FAM240B: variants seen among roughly 807,000 people sequenced by gnomAD.
The protein encoded by FAM240B is protein FAM240B.
intron 1 of FAM240B, among the ~76,000 whole-genome samples, chr9:38,713,481 CAAAAA>C (rs77404875): frequency 3.1e-4 from 26 of 83,584 alleles, no homozygotes; most frequent in Non-Finnish European, 4.4e-4. Flanking sequence ...CCGTTTCAAA[CAAAAA>C]AAAAAAAAAA....
chr9:38,695,109 A>C (rs1376756999), intron 2 of FAM240B, among the ~76,000 whole-genome samples: 2 of 152,228 alleles, frequency 1.3e-5, no homozygotes, highest in African/African-American at 4.8e-5. Context: ...TACCTAATGC[A>C]TGCGGGGCTT....
chr9:38,715,569 T>C (rs186058619), intron 1 of FAM240B, among the ~76,000 whole-genome samples: 1 of 152,306 alleles, frequency 6.6e-6, no homozygotes, highest in Non-Finnish European at 1.5e-5. Flanking sequence ...CAAGCAACTA[T>C]TGCCCATGGG....
chr9:38,718,800 G>A (rs1821337396), intron 1 of FAM240B, among the ~76,000 whole-genome samples: 1 of 151,450 alleles, frequency 6.6e-6, no homozygotes. Context: ...ATTTTAAATG[G>A]TCAATTAAAA....
At chr9:38,710,828 T>C (rs1587593194) in intron 1 of FAM240B, among the ~76,000 whole-genome samples, 1 of 152,324 alleles carries the variant, frequency 6.6e-6, no homozygotes, top group East Asian at 1.9e-4. Context: ...ACATCTCACC[T>C]TCAATTCCCA....
At chr9:38,700,956 C>A (rs1026547903) in intron 2 of FAM240B, among the ~76,000 whole-genome samples, 3 of 152,184 alleles carry the variant, frequency 2.0e-5, no homozygotes, top group African/African-American at 7.2e-5. Context: ...CAACATCTTG[C>A]CAGATTAGCC....
At chr9:38,707,653 G>C (rs960531520) in intron 1 of FAM240B, among the ~76,000 whole-genome samples, 1 of 151,600 alleles carries the variant, frequency 6.6e-6, no homozygotes, top group African/African-American at 2.4e-5. Flanking sequence ...AATTAGCTGG[G>C]CGTGGTGGCA....
intron 1 of FAM240B, among the ~76,000 whole-genome samples, chr9:38,719,634 G>T (rs1013727108): frequency 6.6e-6 from 1 of 152,130 alleles, no homozygotes; most frequent in Non-Finnish European, 1.5e-5. Flanking sequence ...TTCCTGAGAA[G>T]CTTCCATGAT....
chr9:38,703,166 C>T (rs7029974), intron 2 of FAM240B, among the ~76,000 whole-genome samples: 16,079 of 152,180 alleles, frequency 0.11, 908 homozygotes, highest in African/African-American at 0.13. Context: ...ACTCTCAAGA[C>T]TGAATGAGTG....
chr9:38,713,508 A>G (rs1821279184), intron 1 of FAM240B, among the ~76,000 whole-genome samples: 1 of 148,708 alleles, frequency 6.7e-6, no homozygotes, highest in Admixed American at 6.7e-5. Context: ...AAAAAAAAGA[A>G]CTAGATTTCA....
At chr9:38,713,943 T>G (rs1245045695) in intron 1 of FAM240B, among the ~76,000 whole-genome samples, 1 of 152,218 alleles carries the variant, frequency 6.6e-6, no homozygotes, top group African/African-American at 2.4e-5. Context: ...TCTCTTCCAT[T>G]TATTGCCCTC....
chr9:38,711,226 A>G (rs1455805104), intron 1 of FAM240B, among the ~76,000 whole-genome samples: 1 of 152,214 alleles, frequency 6.6e-6, no homozygotes, highest in African/African-American at 2.4e-5. Flanking sequence ...AAGGATAAAC[A>G]AACAAACAAA....
At chr9:38,719,413 A>G in intron 1 of FAM240B, among the ~76,000 whole-genome samples, 1 of 152,212 alleles carries the variant, frequency 6.6e-6, no homozygotes. Context: ...ACTCACTTTT[A>G]TAATAAAAAT....
intron 1 of FAM240B, among the ~76,000 whole-genome samples, chr9:38,715,546 T>C (rs1185176739): frequency 2.0e-5 from 3 of 152,358 alleles, no homozygotes; most frequent in South Asian, 4.1e-4. Context: ...AAACAGACAC[T>C]GCCACTCAAC....
At chr9:38,717,314 C>A (rs1381810880) in intron 1 of FAM240B, among the ~76,000 whole-genome samples, 4 of 152,130 alleles carry the variant, frequency 2.6e-5, no homozygotes, top group Non-Finnish European at 5.9e-5. Context: ...GGCGCAGTGG[C>A]TCACGCCTGT....
intron 1 of FAM240B, among the ~76,000 whole-genome samples, chr9:38,716,332 C>T (rs1199794457): frequency 6.6e-6 from 1 of 152,124 alleles, no homozygotes; most frequent in Admixed American, 6.5e-5. Flanking sequence ...ATTAGCCAGG[C>T]ATGGTGCCCC....
At chr9:38,702,156 A>C (rs62539024) in intron 2 of FAM240B, among the ~76,000 whole-genome samples, 7,817 of 152,282 alleles carry the variant, frequency 0.051, 301 homozygotes, top group Non-Finnish European at 0.085. Context: ...GGTGGGGACC[A>C]CACAACGGAC....
In FAM240B at chr9:38,716,747, T is replaced by C. The variant is rs187811120; in HGVS notation, c.-4+3275A>G. On this transcript the variant is annotated intron_variant, in intron 1 of 2. Transcript: ENST00000637493. Reference sequence around the variant, plus strand: ...TGGCTATTTGGCCTTCACTAATGAATGTTACTTTTTTCCTGAACCGGAAAC... The same window carrying C: ...TGGCTATTTGGCCTTCACTAATGAACGTTACTTTTTTCCTGAACCGGAAAC... Among the ~76,000 whole-genome samples the C allele has an allele frequency of 2.6e-4, 40 of 152,294 alleles. No individual in the cohort carries two copies. The Middle Eastern group carries it at 0.01, about 39-fold the overall frequency.
chr9:38,718,844 TG>T (rs1383297409), intron 1 of FAM240B, among the ~76,000 whole-genome samples: 2 of 152,232 alleles, frequency 1.3e-5, no homozygotes, highest in East Asian at 3.8e-4. Flanking sequence ...ATGCTATATT[TG>T]GCTTAGAGTT....
chr9:38,710,908 T>C (rs956870770), intron 1 of FAM240B, among the ~76,000 whole-genome samples: 2 of 152,194 alleles, frequency 1.3e-5, no homozygotes, highest in East Asian at 1.9e-4. Context: ...CGAAGTCACC[T>C]TGTTGATGGT....
Sources: allele counts gnomAD v4.1 joint callset (sites outside exome capture counted in the v4.1 genomes callset), GRCh38; gene constraint gnomAD v4.1.1; transcripts MANE v1.5; gene names NCBI Gene and HGNC (gene_info 2026-07-23, HGNC 2026-07-21).